BCAS3: variants seen among roughly 807,000 people sequenced by gnomAD.
BCAS3 encodes BCAS3 microtubule associated cell migration factor, also known as BCAS4/BCAS3 fusion.
Under a neutral mutation model 116.1 loss-of-function variants are expected in BCAS3, and 53 were observed. The ratio of observed to expected loss-of-function variants is 0.46; its 90% CI spans 0.37 to 0.57. BCAS3 has a LOEUF of 0.57. Ranked by LOEUF, BCAS3 falls within the 20% of genes least tolerant of loss-of-function variation. BCAS3 has a pLI of 0.00. For synonymous variants in BCAS3, 391 were observed against 408.2 expected (o/e 0.96, Z 0.51); for missense variants, 917 against 1,165.4 (o/e 0.79, Z 3.10).
intron 22 of BCAS3, among the ~76,000 whole-genome samples, chr17:61,360,075 C>T (rs964143835): frequency 3.3e-5 from 5 of 151,260 alleles, no homozygotes; most frequent in Non-Finnish European, 5.9e-5. Context: ...GGCGCAGCCT[C>T]GGCTCACTGC....
At position 61,101,434 on chromosome 17, in the gene BCAS3, A is replaced by G. The variant is rs376123180; in HGVS notation, c.2425+16870A>G. Among the ~76,000 whole-genome samples, 27 of 152,252 alleles carry G rather than the reference A, an allele frequency of 1.8e-4. No individual in the cohort carries two copies. The South Asian group carries it at 4.4e-3, about 25-fold the overall frequency. ...GTGTTTGAAACTCACAATTCACTCT[A>G]TAGTGGGGAGTGGGGGAGTGCAAGG... On this transcript the variant is annotated intron_variant, in intron 22 of 23. Coordinates refer to ENST00000407086, the MANE Select transcript of BCAS3 (RefSeq NM_017679.5).
At chr17:60,984,337 C>T (rs1021608008) in intron 14 of BCAS3, among the ~76,000 whole-genome samples, 4 of 152,180 alleles carry the variant, frequency 2.6e-5, no homozygotes, top group Middle Eastern at 6.8e-3. Context: ...GTTTGTGGTG[C>T]GTTTCTGAAA....
At chr17:60,928,068 G>A (rs942166320) in intron 13 of BCAS3, among the ~76,000 whole-genome samples, 3 of 152,192 alleles carry the variant, frequency 2.0e-5, no homozygotes, top group Non-Finnish European at 4.4e-5. Context: ...CACATTGGAA[G>A]ATACCTCTTT....
chr17:60,687,432 C>T (rs538262655), intron 3 of BCAS3, among the ~76,000 whole-genome samples: 1 of 152,126 alleles, frequency 6.6e-6, no homozygotes, highest in South Asian at 2.1e-4. Context: ...GGTGAAACCC[C>T]ATCTCTACAG....
At chr17:61,005,882 G>A (rs1430644907) in intron 15 of BCAS3, among the ~76,000 whole-genome samples, 10 of 150,600 alleles carry the variant, frequency 6.6e-5, no homozygotes, top group Non-Finnish European at 1.3e-4. Flanking sequence ...GTGCCATGCT[G>A]GTGGGCTGCA....
intron 5 of BCAS3, among the ~76,000 whole-genome samples, chr17:60,718,215 A>G (rs1320534402): frequency 4.0e-5 from 6 of 148,990 alleles, no homozygotes; most frequent in South Asian, 2.1e-4. Context: ...GGATTGGGGG[A>G]CCCCTCAACT....
intron 14 of BCAS3, among the ~76,000 whole-genome samples, chr17:60,947,925 A>C (rs903701331): frequency 7.2e-5 from 11 of 152,134 alleles, no homozygotes; most frequent in Non-Finnish European, 1.5e-4. Context: ...AAACACTACA[A>C]ATCAGGGCTA....
intron 22 of BCAS3, among the ~76,000 whole-genome samples, chr17:61,178,621 T>C (rs949950072): frequency 2.6e-5 from 4 of 152,242 alleles, no homozygotes; most frequent in African/African-American, 7.2e-5. Flanking sequence ...CATTGTTATC[T>C]AATTCATTTA....
At chr17:60,843,978 G>T (rs973604493) in intron 7 of BCAS3, among the ~76,000 whole-genome samples, 4 of 152,048 alleles carry the variant, frequency 2.6e-5, no homozygotes, top group Admixed American at 2.6e-4. Flanking sequence ...ATATACTTTT[G>T]TGTTTTTTGA....
At position 61,008,636 on chromosome 17, in the gene BCAS3, A is replaced by T. The variant is rs575140482; in HGVS notation, c.1487-7115A>T. ...TTATCCCTGTCAATTCCACAGCAAG[A>T]TATTAAAAACAGTCCAAAAGCTTTG... On this transcript the variant is annotated intron_variant, in intron 15 of 23. Coordinates refer to ENST00000407086, the MANE Select transcript of BCAS3 (RefSeq NM_017679.5). This position sits in a 1 kb window ranked among gnomAD's most constrained non-coding sequence, Gnocchi z 4.6. Among the ~76,000 whole-genome samples, 1 of 152,146 alleles carries T rather than the reference A, an allele frequency of 6.6e-6. No homozygotes were observed. Among genetic ancestry groups the T allele is most frequent in the Non-Finnish European group, 1.5e-5 (1 of 67,968 alleles).
At position 61,038,026 on chromosome 17, in the gene BCAS3, T is replaced by C; in HGVS notation, c.1900T>C (p.Ser634Pro). Reference protein sequence around the residue: ...SDDTPLEMMTSPRASWTLVRT... With the variant: ...SDDTPLEMMTPPRASWTLVRT... ...CGACACACCACTGGAAATGATGACA[T>C]CGCCTCGAGCCAGCTGGACTCTGGT... Residue 634 changes from serine to proline, a missense_variant, in exon 18 of 24, where the codon TCG (serine) becomes CCG (proline). Around this residue, in one of 3 missense-constraint regions of BCAS3, gnomAD observed 807 missense variants for 1,026.0 expected, o/e 0.79. Transcript: ENST00000407086. 1 of 1,614,124 alleles carries C rather than the reference T, an allele frequency of 6.2e-7. No individual in the cohort carries two copies. Among genetic ancestry groups the C allele is most frequent in the African/African-American group, 1.3e-5 (1 of 75,036 alleles).
At chr17:60,856,189 CTA>C (rs1339812428) in intron 7 of BCAS3, among the ~76,000 whole-genome samples, 1 of 152,128 alleles carries the variant, frequency 6.6e-6, no homozygotes, top group African/African-American at 2.4e-5. Flanking sequence ...AAGCAAATGC[CTA>C]TGACTCAATA....
In BCAS3 at chr17:61,361,675, A is replaced by C. The variant is rs1568939640; in HGVS notation, c.2426-6652A>C. 2 of 152,202 alleles carry C rather than the reference A, an allele frequency of 1.3e-5. No individual in the cohort carries two copies. Among genetic ancestry groups the C allele is most frequent in the Non-Finnish European group, 1.5e-5 (1 of 68,020 alleles). The allele number at this position is 152,202 out of a possible 1,614,324, so 9.4% of individuals were successfully genotyped here. On this transcript the variant is annotated intron_variant, in intron 22 of 23. Transcript: ENST00000407086. The surrounding 1 kb of genome is among the most constrained non-coding windows in gnomAD (Gnocchi z 6.5). ...GAGATATCTCCAGAGATGCATAGAT[A>C]TAAGAAGATTTATTTTGGGAATTGG... is the stretch of plus-strand genomic sequence containing the variant.
At chr17:60,891,757 A>G in intron 10 of BCAS3, 1 of 455,914 alleles carries the variant, frequency 2.2e-6, no homozygotes, top group Non-Finnish European at 4.4e-6. Context: ...TCATCCAGAT[A>G]TTGAACATTG....
intron 14 of BCAS3, among the ~76,000 whole-genome samples, chr17:60,957,841 A>G (rs2061221093): frequency 6.6e-6 from 1 of 152,220 alleles, no homozygotes; most frequent in Non-Finnish European, 1.5e-5. Flanking sequence ...ACTATATGTA[A>G]AATGCTTAGC....
At chr17:60,808,448 C>T (rs1340633697) in intron 7 of BCAS3, among the ~76,000 whole-genome samples, 1 of 152,136 alleles carries the variant, frequency 6.6e-6, no homozygotes, top group Non-Finnish European at 1.5e-5. Flanking sequence ...ATTAGGTTGG[C>T]TACTAGCAGT....
At chr17:60,681,357 G>A (rs1252252410) in intron 2 of BCAS3, among the ~76,000 whole-genome samples, 1 of 151,592 alleles carries the variant, frequency 6.6e-6, no homozygotes, top group Admixed American at 6.6e-5. Flanking sequence ...AAACTTAGCT[G>A]GGGGTGGTGG....
At chr17:61,079,794 A>G (rs1025714807) in intron 21 of BCAS3, among the ~76,000 whole-genome samples, 1 of 151,190 alleles carries the variant, frequency 6.6e-6, no homozygotes, top group Non-Finnish European at 1.5e-5. Flanking sequence ...CGGGGTTTCA[A>G]CATTTTGGCC....
At chr17:61,117,247 G>A (rs1260700344) in intron 22 of BCAS3, among the ~76,000 whole-genome samples, 1 of 152,044 alleles carries the variant, frequency 6.6e-6, no homozygotes, top group Non-Finnish European at 1.5e-5. Flanking sequence ...TTCTGTTACT[G>A]AACGCATCCA....
Sources: allele counts gnomAD v4.1 joint callset (sites outside exome capture counted in the v4.1 genomes callset), GRCh38; gene constraint gnomAD v4.1.1; regional missense constraint gnomAD v4.1.1; non-coding constraint Gnocchi (gnomAD v3.1); transcripts MANE v1.5; gene names NCBI Gene and HGNC (gene_info 2026-07-23, HGNC 2026-07-21).